DLG2: variants seen among roughly 807,000 people sequenced by gnomAD.
The protein encoded by DLG2 is disks large homolog 2.
DLG2 carries 45 observed loss-of-function variants against 132.5 expected under a neutral mutation model. The ratio of observed to expected loss-of-function variants is 0.34; its 90% CI spans 0.27 to 0.44. The LOEUF (loss-of-function observed/expected upper bound fraction) is 0.44, where lower values mean the gene tolerates loss of function less well. Ranked by LOEUF, DLG2 falls within the 20% of genes least tolerant of loss-of-function variation. The pLI is 1.00. For synonymous variants in DLG2, 424 were observed against 419.6 expected (o/e 1.01, Z -0.13); for missense variants, 1,045 against 1,196.9 (o/e 0.87, Z 1.87).
chr11:84,947,433 A>G (rs1037413541), intron 6 of DLG2, among the ~76,000 whole-genome samples: 1 of 152,174 alleles, frequency 6.6e-6, no homozygotes, highest in African/African-American at 2.4e-5. Context: ...CCAACATAGA[A>G]CCAGAGAAGA....
At chr11:83,788,266 C>T (rs945135474) in intron 17 of DLG2, among the ~76,000 whole-genome samples, 22 of 152,204 alleles carry the variant, frequency 1.4e-4, no homozygotes, top group African/African-American at 4.6e-4. Flanking sequence ...TCATGATCCT[C>T]TCATAATAAC....
chr11:85,389,556 A>G (rs1237302869), intron 3 of DLG2, among the ~76,000 whole-genome samples: 3 of 152,218 alleles, frequency 2.0e-5, no homozygotes, highest in Non-Finnish European at 2.9e-5. Context: ...GCACACAGTC[A>G]TCAGGTTATC....
chr11:85,534,113 G>C (rs1054657247), intron 3 of DLG2, among the ~76,000 whole-genome samples: 5 of 151,788 alleles, frequency 3.3e-5, no homozygotes, highest in Non-Finnish European at 5.9e-5. Flanking sequence ...TCAGTCTCCC[G>C]AGTAGCTGGG....
intron 10 of DLG2, among the ~76,000 whole-genome samples, chr11:84,071,305 A>C (rs1278514986): frequency 6.6e-6 from 1 of 151,710 alleles, no homozygotes; most frequent in Non-Finnish European, 1.5e-5. Context: ...GGGTTTTGCC[A>C]TGTTGCCCAG....
At chr11:83,604,242 C>A (rs915844571) in intron 19 of DLG2, among the ~76,000 whole-genome samples, 8 of 152,198 alleles carry the variant, frequency 5.3e-5, no homozygotes, top group Non-Finnish European at 1.0e-4. Flanking sequence ...TTCACAATGA[C>A]AATGCTTCAA....
intron 6 of DLG2, among the ~76,000 whole-genome samples, chr11:84,972,193 T>C (rs980932893): frequency 6.6e-6 from 1 of 152,134 alleles, no homozygotes; most frequent in Admixed American, 6.5e-5. Flanking sequence ...TGTTATTAAG[T>C]GAACAGAATA....
At chr11:84,670,176 C>T (rs113199522) in intron 6 of DLG2, among the ~76,000 whole-genome samples, 75 of 152,168 alleles carry the variant, frequency 4.9e-4, no homozygotes, top group African/African-American at 1.4e-3. Context: ...TCCTCTTGAT[C>T]GCATTTACAC....
intron 6 of DLG2, among the ~76,000 whole-genome samples, chr11:84,971,646 C>G (rs2054109758): frequency 6.6e-6 from 1 of 151,906 alleles, no homozygotes; most frequent in Non-Finnish European, 1.5e-5. Flanking sequence ...TAGAATGACT[C>G]CTGGATAACT....
chr11:84,348,633 A>G (rs2098549347), intron 7 of DLG2, among the ~76,000 whole-genome samples: 1 of 152,202 alleles, frequency 6.6e-6, no homozygotes, highest in Non-Finnish European at 1.5e-5. Flanking sequence ...TAAGTACCCC[A>G]AAATGATATA....
At chr11:85,072,138 C>A (rs867737495) in intron 6 of DLG2, among the ~76,000 whole-genome samples, 2 of 151,848 alleles carry the variant, frequency 1.3e-5, no homozygotes, top group South Asian at 4.1e-4. Context: ...GTACCTGCTA[C>A]AGAAACAAGA....
At chr11:85,357,661 T>C (rs2083815594) in intron 3 of DLG2, among the ~76,000 whole-genome samples, 1 of 140,780 alleles carries the variant, frequency 7.1e-6, no homozygotes. Flanking sequence ...TGGAGGCTAA[T>C]ATGGCTACTA....
intron 19 of DLG2, among the ~76,000 whole-genome samples, chr11:83,580,792 C>A (rs1278306978): frequency 7.2e-6 from 1 of 139,684 alleles, no homozygotes; most frequent in African/African-American, 2.7e-5. Flanking sequence ...AAAAACTGGC[C>A]CTCCCTCCCT....
chr11:84,059,322 G>T lies in DLG2; in HGVS notation c.912C>A (p.Gly304=). Residue 304 remains glycine (G), a synonymous_variant, in exon 11 of 28, where the codon GGC becomes GGA. Coordinates refer to ENST00000376104, the MANE Select transcript of DLG2 (RefSeq NM_001142699.3). ...ETVVEIKLFK[G]PKGLGFSIAG... Reference sequence around the variant, plus strand: ...CATTTATATTTTGATTACCTTTAGGGCCTTTGAACAGTTTGATTTCCACAA... The same window carrying T: ...CATTTATATTTTGATTACCTTTAGGTCCTTTGAACAGTTTGATTTCCACAA... The T allele has an allele frequency of 6.2e-7, 1 of 1,612,984 alleles. No homozygotes were observed. Among genetic ancestry groups the T allele is most frequent in the Non-Finnish European group, 8.5e-7 (1 of 1,179,522 alleles).
chr11:84,466,179 T>A lies in DLG2; in HGVS notation c.519+68391A>T, dbSNP rs181541096. Among the ~76,000 whole-genome samples the A allele has an allele frequency of 7.9e-5, 12 of 151,108 alleles. No homozygotes were observed. In the East Asian group the frequency reaches 2.1e-3, roughly 27 times the overall value. ...TACCTCACACCATACCCTAAAATAA[T>A]CTCCAAATGCATCATAGAATTGGAT... On this transcript the variant is annotated intron_variant, in intron 7 of 27. Coordinates refer to ENST00000376104, the MANE Select transcript of DLG2 (RefSeq NM_001142699.3).
intron 18 of DLG2, among the ~76,000 whole-genome samples, chr11:83,747,329 TGC>T (rs2092994794): frequency 1.0e-5 from 1 of 99,998 alleles, no homozygotes; most frequent in African/African-American, 3.7e-5. Flanking sequence ...CCTTCCTTCC[TGC>T]CTTCCTTCCT....
chr11:84,494,122 A>G (rs1036775096), intron 7 of DLG2, among the ~76,000 whole-genome samples: 8 of 152,320 alleles, frequency 5.3e-5, no homozygotes, highest in Admixed American at 5.2e-4. Context: ...CCATCATTAA[A>G]GACTGACAAC....
intron 6 of DLG2, among the ~76,000 whole-genome samples, chr11:85,060,923 T>C (rs1476375780): frequency 6.6e-6 from 1 of 151,510 alleles, no homozygotes; most frequent in Non-Finnish European, 1.5e-5. Context: ...TGTTTTTTAA[T>C]GGTCATCTTA....
At chr11:84,425,456 A>C (rs2154469676) in intron 7 of DLG2, among the ~76,000 whole-genome samples, 1 of 152,280 alleles carries the variant, frequency 6.6e-6, no homozygotes, top group Non-Finnish European at 1.5e-5. Flanking sequence ...ACACTCACTA[A>C]AGAAATGACT....
chr11:84,066,531 G>C (rs1007680169), intron 10 of DLG2, among the ~76,000 whole-genome samples: 3 of 152,134 alleles, frequency 2.0e-5, no homozygotes, highest in Non-Finnish European at 4.4e-5. Context: ...AGGCTGAGAC[G>C]GGTGGATCAC....
Sources: gnomAD v4.1 joint callset for allele counts (sites outside exome capture counted in the v4.1 genomes callset) on GRCh38, gnomAD v4.1.1 for gene constraint, MANE v1.5 for transcripts, NCBI Gene and HGNC (gene_info 2026-07-23, HGNC 2026-07-21) for gene names.